The following ANHX variants were observed in gnomAD, a reference collection of about 807,000 sequenced individuals.
ANHX encodes the protein anomalous homeobox, also known as anomalous homeobox protein.
Under a neutral mutation model 38.9 loss-of-function variants are expected in ANHX, and 20 were observed. The observed-to-expected ratio is 0.51, with a 90% CI of 0.36 to 0.75. The LOEUF (loss-of-function observed/expected upper bound fraction) is 0.75, where lower values mean the gene tolerates loss of function less well. ANHX is among the 30% of genes least tolerant of loss of function. The pLI is 0.00. For synonymous variants in ANHX, 185 were observed against 203.1 expected, an observed-to-expected ratio of 0.91 and a Z score of 0.76; for missense variants, 475 against 493.1, an observed-to-expected ratio of 0.96 and a Z score of 0.35.
At position 133,218,745 on chromosome 12, in the gene ANHX, T is replaced by C. The variant is rs1355318760; in HGVS notation, c.*140A>G. The C allele has an allele frequency of 3.7e-6, 2 of 537,946 alleles. No individual in the cohort carries two copies. Among genetic ancestry groups the C allele is most frequent in the Non-Finnish European group, 6.2e-6 (2 of 324,360 alleles). 33.3% of individuals were successfully genotyped at this position (537,946 alleles called of 1,614,324 possible). A position where few individuals can be genotyped will look rare whatever the true frequency, so the allele number is the denominator to read the frequency against. ...AAACATGGCAGTGGGAAAGAATCTCTGCTTTTCAGCAGAGCCCCCAGGGGA... is the reference window on the plus strand; with the variant it reads ...AAACATGGCAGTGGGAAAGAATCTCCGCTTTTCAGCAGAGCCCCCAGGGGA... On this transcript the variant is annotated 3_prime_UTR_variant, in exon 10 of 10. Coordinates refer to ENST00000545940, the MANE Select transcript of ANHX (RefSeq NM_001372060.1).
Position 133,234,227 on chromosome 12 carries a change from T to C in ANHX, c.130A>G (p.Thr44Ala). Residue 44 changes from threonine (T) to alanine (A), a missense_variant, in exon 2 of 10, where the codon ACA (threonine) becomes GCA (alanine). Coordinates refer to ENST00000545940, the MANE Select transcript of ANHX (RefSeq NM_001372060.1). ...DDLAQLQPLV[T>A]AILDSQLRLH... ...CGGAGCTGGCTGTCCAGAATGGCTG[T>C]GACCAAAGGCTGCAGTTGGGCAAGG... 1 of 1,536,178 alleles carries C rather than the reference T, an allele frequency of 6.5e-7. No individual in the cohort carries two copies.
Position 133,221,915 on chromosome 12 carries a change from G to C in ANHX, c.1133-563C>G, listed in dbSNP as rs1957112974. Among the ~76,000 whole-genome samples, 1 of 152,176 alleles carries C rather than the reference G, an allele frequency of 6.6e-6. No individual in the cohort carries two copies. The highest frequency in any genetic ancestry group is 2.1e-4 in the South Asian group (1 of 4,832). ...TTCTGGGTGGACATTTAGGAGAGCT[G>C]TGGCCTGAAAAGGCAGGTTTTTTCC... On this transcript the variant is annotated intron_variant, in intron 7 of 9. Coordinates refer to ENST00000545940, the MANE Select transcript of ANHX (RefSeq NM_001372060.1). The surrounding 1 kb of genome is among the most constrained non-coding windows in gnomAD (Gnocchi z 4.1).
At chr12:133,235,041 G>T (rs1004232973) in intron 1 of ANHX, 3 of 152,404 alleles carry the variant, frequency 2.0e-5, no homozygotes, top group Non-Finnish European at 2.9e-5. Flanking sequence ...GAAGAACCAG[G>T]TAGGCTGCGC....
chr12:133,226,221 T>G, intron 6 of ANHX, 97 bp downstream of exon 6: 1 of 1,520,614 alleles, frequency 6.6e-7, no homozygotes, highest in Non-Finnish European at 8.8e-7. Context: ...GTGGGGGTCC[T>G]GTCACCCTTA....
chr12:133,228,279 C>T (rs1348795705), intron 3 of ANHX, among the ~76,000 whole-genome samples: 2 of 151,600 alleles, frequency 1.3e-5, no homozygotes, highest in African/African-American at 4.9e-5. Context: ...ATGGAGGCCG[C>T]GTGCACAGCC....
intron 5 of ANHX, among the ~76,000 whole-genome samples, chr12:133,226,662 A>G (rs1203682855): frequency 6.6e-6 from 1 of 152,140 alleles, no homozygotes; most frequent in East Asian, 1.9e-4. Flanking sequence ...TTGACTCACC[A>G]ACTCCTCCTC....
chr12:133,232,108 G>T (rs553480819), intron 2 of ANHX, among the ~76,000 whole-genome samples: 18 of 152,186 alleles, frequency 1.2e-4, no homozygotes, highest in Non-Finnish European at 1.9e-4. Flanking sequence ...AGGGCCTGAT[G>T]TCTGATTCAA....
In ANHX at chr12:133,221,155, T is replaced by C; in HGVS notation, c.1280+50A>G. The C allele has an allele frequency of 6.5e-7, 1 of 1,529,750 alleles. No homozygotes were observed. The highest frequency in any genetic ancestry group is 8.7e-7 in the Non-Finnish European group (1 of 1,142,980). The allele number at this position is 1,529,750 out of a possible 1,614,324, so 94.8% of individuals were successfully genotyped here. ...TCTATAAACTGGGCATTACCCTATC[T>C]TGTGGCCTGTGGAAAGGACTGTCCA... On this transcript the variant is annotated intron_variant, in intron 8 of 9. Transcript: ENST00000545940. This position sits in a 1 kb window ranked among gnomAD's most constrained non-coding sequence, Gnocchi z 4.1.
At chr12:133,223,741 C>G (rs761468976) in intron 7 of ANHX, among the ~76,000 whole-genome samples, 3 of 151,990 alleles carry the variant, frequency 2.0e-5, no homozygotes, top group Non-Finnish European at 4.4e-5. Flanking sequence ...TCACTGCACC[C>G]GGCCAGGAGA....
chr12:133,234,905 C>T (rs1957342572), intron 1 of ANHX: 1 of 155,806 alleles, frequency 6.4e-6, no homozygotes, highest in African/African-American at 2.4e-5. Context: ...GACTGCTTTT[C>T]CCAACAGAAA....
Position 133,226,977 on chromosome 12 carries a change from G to C in ANHX, c.677C>G (p.Pro226Arg). 1.3e-6 allele frequency: 2 copies of C among 1,533,766 alleles called. No individual in the cohort carries two copies. The highest frequency in any genetic ancestry group is 1.7e-6 in the Non-Finnish European group (2 of 1,145,364). The change falls in exon 5 of 10, where the codon CCC becomes CGC. Residue 226 changes from proline to arginine, a missense_variant. Transcript: ENST00000545940. ...GTCCACAAACCCAGAGTCAACACGG[G>C]GGTTGCCTGAGGGCTGCAGGAGGTC... ...GPDLLQPSGN[P>R]RVDSGFVDRP...
At chr12:133,227,666 G>A (rs1473855277) in intron 4 of ANHX, among the ~76,000 whole-genome samples, 158 bp downstream of exon 4, 1 of 152,218 alleles carries the variant, frequency 6.6e-6, no homozygotes, top group Non-Finnish European at 1.5e-5. Flanking sequence ...AGACAGGACA[G>A]TCTGCCAATC....
chr12:133,229,039 A>G (rs1204668626), intron 3 of ANHX, among the ~76,000 whole-genome samples: 1 of 152,064 alleles, frequency 6.6e-6, no homozygotes, highest in Non-Finnish European at 1.5e-5. Flanking sequence ...TGAACTCTGC[A>G]CTGCTGGATT....
At chr12:133,229,542 C>G (rs997382842) in intron 3 of ANHX, among the ~76,000 whole-genome samples, 4 of 152,104 alleles carry the variant, frequency 2.6e-5, no homozygotes, top group African/African-American at 9.7e-5. Flanking sequence ...TGTGTACAGC[C>G]CATCAGCAAA....
At position 133,221,377 on chromosome 12, in the gene ANHX, A is replaced by G. The variant is rs151103394; in HGVS notation, c.1133-25T>C. On this transcript the variant is annotated intron_variant, in intron 7 of 9. Coordinates refer to ENST00000545940, the MANE Select transcript of ANHX (RefSeq NM_001372060.1). This position sits in a 1 kb window ranked among gnomAD's most constrained non-coding sequence, Gnocchi z 4.1. Reference sequence around the variant, plus strand: ...CCTGCATGTAATGAGATTCCACGGCACACTGGCAGGAGAAAGGAGCAGAGC... The same window carrying G: ...CCTGCATGTAATGAGATTCCACGGCGCACTGGCAGGAGAAAGGAGCAGAGC... 2.3e-3 allele frequency: 3,434 copies of G among 1,526,090 alleles called. 91 individuals are homozygous for G. In the East Asian group the frequency reaches 0.058, roughly 26 times the overall value. 94.5% of individuals were successfully genotyped at this position (1,526,090 alleles called of 1,614,324 possible).
chr12:133,228,781 G>A (rs1490386213), intron 3 of ANHX, among the ~76,000 whole-genome samples: 1 of 152,186 alleles, frequency 6.6e-6, no homozygotes, highest in Non-Finnish European at 1.5e-5. Context: ...ATTTCTTCTA[G>A]TAAGTCATTC....
rs886237847 is a variant in ANHX, at chr12:133,218,847, C to T, written c.*38G>A. 2.5e-5 allele frequency: 36 copies of T among 1,440,212 alleles called. No individual in the cohort carries two copies. In the Middle Eastern group the frequency reaches 5.4e-4, roughly 21 times the overall value. 89.2% of individuals were successfully genotyped at this position (1,440,212 alleles called of 1,614,324 possible). A position where few individuals can be genotyped will look rare whatever the true frequency, so the allele number is the denominator to read the frequency against. ...GTTGACCAGGCAGACCATCCACACC[C>T]GCTCCTCCTGGGGTGCTGTCTGGCT... On this transcript the variant is annotated 3_prime_UTR_variant, in exon 10 of 10. Transcript: ENST00000545940.
rs755287429 is a variant in ANHX at position 133,221,505 on chromosome 12, G to C, written c.1133-153C>G. Reference sequence around the variant, plus strand: ...CCAGACTCACGGTCCCTGGGCCTCAGTCTCCCTCTCTGAGGAAGGAACTGT... The same window carrying C: ...CCAGACTCACGGTCCCTGGGCCTCACTCTCCCTCTCTGAGGAAGGAACTGT... On this transcript the variant is annotated intron_variant, in intron 7 of 9. Transcript: ENST00000545940. This position sits in a 1 kb window ranked among gnomAD's most constrained non-coding sequence, Gnocchi z 4.1. Among the ~76,000 whole-genome samples the C allele has an allele frequency of 1.7e-4, 26 of 152,200 alleles. No individual in the cohort carries two copies. The highest frequency in any genetic ancestry group is 2.9e-4 in the Non-Finnish European group (20 of 68,036).
chr12:133,234,441 G>A, intron 1 of ANHX, 63 bp from the exon 2 acceptor site: 6 of 1,473,418 alleles, frequency 4.1e-6, no homozygotes, highest in Non-Finnish European at 3.6e-6. Flanking sequence ...TCAGTCAATC[G>A]CCCAACCCAC....
Sources: gnomAD v4.1 joint callset for allele counts (sites outside exome capture counted in the v4.1 genomes callset) on GRCh38, gnomAD v4.1.1 for gene constraint, Gnocchi (gnomAD v3.1) non-coding constraint, MANE v1.5 for transcripts, NCBI Gene and HGNC (gene_info 2026-07-23, HGNC 2026-07-21) for gene names.